The following CACNA2D1 variants were observed in gnomAD, a reference collection of about 807,000 sequenced individuals.
CACNA2D1 encodes voltage-dependent calcium channel subunit alpha-2/delta-1.
In CACNA2D1, 53 loss-of-function variants were observed where a neutral mutation model predicts 171.5. The ratio of observed to expected loss-of-function variants is 0.31; its 90% CI spans 0.25 to 0.39. The LOEUF (loss-of-function observed/expected upper bound fraction) is 0.39, where lower values mean the gene tolerates loss of function less well. Ranked by LOEUF, CACNA2D1 falls within the 10% of genes least tolerant of loss-of-function variation. The probability of loss-of-function intolerance (pLI) is 1.00; values close to 1 mark genes in which losing one functional copy is unlikely to be tolerated. For synonymous variants in CACNA2D1, 442 were observed against 443.1 expected (o/e 1.00, Z 0.03); for missense variants, 903 against 1,299.8 (o/e 0.69, Z 4.69).
At chr7:82,153,901 A>C (rs1317777197) in intron 4 of CACNA2D1, among the ~76,000 whole-genome samples, 2 of 152,168 alleles carry the variant, frequency 1.3e-5, no homozygotes, top group African/African-American at 4.8e-5. Flanking sequence ...CAATGATAAT[A>C]GTTTTAAAGA....
At chr7:82,208,168 T>C (rs2129219344) in intron 3 of CACNA2D1, among the ~76,000 whole-genome samples, 1 of 152,282 alleles carries the variant, frequency 6.6e-6, no homozygotes, top group Non-Finnish European at 1.5e-5. Context: ...ATGACTCAAA[T>C]TTAGATTTGA....
At chr7:82,295,557 T>C (rs936795722) in intron 3 of CACNA2D1, among the ~76,000 whole-genome samples, 1 of 151,896 alleles carries the variant, frequency 6.6e-6, no homozygotes, top group Non-Finnish European at 1.5e-5. Flanking sequence ...GGTTTCACCA[T>C]GTTGCCTAGG....
At chr7:82,004,775 G>C (rs1381505581) in intron 18 of CACNA2D1, among the ~76,000 whole-genome samples, 1 of 152,154 alleles carries the variant, frequency 6.6e-6, no homozygotes, top group Non-Finnish European at 1.5e-5. Flanking sequence ...AGTTCATGAA[G>C]AGTGAAATGA....
chr7:82,402,255 G>T (rs935470092), intron 1 of CACNA2D1, among the ~76,000 whole-genome samples: 12 of 152,196 alleles, frequency 7.9e-5, no homozygotes, highest in Admixed American at 7.9e-4. Flanking sequence ...TTTATCAGCA[G>T]ATAGTAGCAA....
chr7:82,354,096 G>A (rs1820156780), intron 1 of CACNA2D1, among the ~76,000 whole-genome samples: 1 of 152,116 alleles, frequency 6.6e-6, no homozygotes, highest in South Asian at 2.1e-4. Flanking sequence ...ATCACACAGA[G>A]AGTCCAAGAA....
chr7:81,977,741 G>T (rs143796808), intron 24 of CACNA2D1, among the ~76,000 whole-genome samples: 13,684 of 152,160 alleles, frequency 0.09, 640 homozygotes, highest in Middle Eastern at 0.2. Context: ...TTGACAAATG[G>T]TATCTAATTA....
rs1179654232 is a variant in CACNA2D1, at chr7:82,206,400, C to T, written c.295-35791G>A. Among the ~76,000 whole-genome samples, 3 of 152,036 alleles carry T rather than the reference C, an allele frequency of 2.0e-5. No individual in the cohort carries two copies. The East Asian group carries it at 5.8e-4, about 29-fold the overall frequency. On this transcript the variant is annotated intron_variant, in intron 3 of 38. Transcript: ENST00000356860. Reference sequence around the variant, plus strand: ...ACCATGAAATCAAACATTTATTATACACTAATTGTAATAACTCTTAACAAG... The same window carrying T: ...ACCATGAAATCAAACATTTATTATATACTAATTGTAATAACTCTTAACAAG...
chr7:82,341,888 A>T (rs879524501), intron 2 of CACNA2D1, among the ~76,000 whole-genome samples: 36 of 70,326 alleles, frequency 5.1e-4, no homozygotes, highest in Non-Finnish European at 8.1e-4. Flanking sequence ...TCTACTAAAA[A>T]TACAAAAAAA....
intron 6 of CACNA2D1, among the ~76,000 whole-genome samples, chr7:82,096,794 T>C (rs958591873): frequency 6.6e-6 from 1 of 151,902 alleles, no homozygotes; most frequent in African/African-American, 2.4e-5. Flanking sequence ...GAAAAAGGTC[T>C]AACTCCAGCA....
chr7:82,162,083 T>C (rs1008392166), intron 4 of CACNA2D1, among the ~76,000 whole-genome samples: 1 of 152,080 alleles, frequency 6.6e-6, no homozygotes, highest in East Asian at 1.9e-4. Flanking sequence ...TGAAGATAAA[T>C]AGAACATGCT....
intron 1 of CACNA2D1, among the ~76,000 whole-genome samples, chr7:82,436,391 T>A (rs1188645605): frequency 6.6e-6 from 1 of 152,184 alleles, no homozygotes; most frequent in Non-Finnish European, 1.5e-5. Context: ...AAGCTCTTAA[T>A]TAAATGTTAT....
In CACNA2D1 at chr7:82,060,349, A is replaced by G. The variant is rs542240781; in HGVS notation, c.879+79T>C. On this transcript the variant is annotated intron_variant, in intron 10 of 38. Coordinates refer to ENST00000356860, the MANE Select transcript of CACNA2D1 (RefSeq NM_000722.4). ...AAAATGTCTCAGCCTCTATAAGATA[A>G]AAGTATAAAGTACCTAAAGTCAGGA... 3 of 924,554 alleles carry G rather than the reference A, an allele frequency of 3.2e-6. No homozygotes were observed. The East Asian group carries it at 7.6e-5, about 23-fold the overall frequency. The allele number at this position is 924,554 out of a possible 1,614,324, so 57.3% of individuals were successfully genotyped here.
At chr7:82,294,182 T>C (rs1179583754) in intron 3 of CACNA2D1, among the ~76,000 whole-genome samples, 1 of 152,178 alleles carries the variant, frequency 6.6e-6, no homozygotes, top group African/African-American at 2.4e-5. Flanking sequence ...ATTGTTCGGC[T>C]ATATTTTAAT....
intron 3 of CACNA2D1, among the ~76,000 whole-genome samples, chr7:82,319,602 GA>G (rs1554509941): frequency 6.6e-6 from 1 of 152,090 alleles, no homozygotes; most frequent in Non-Finnish European, 1.5e-5. Context: ...TGTTGTGCTA[GA>G]AAAAAAGTGG....
intron 20 of CACNA2D1, 55 bp from the exon 21 acceptor site, chr7:81,991,301 C>A: frequency 1.1e-6 from 1 of 886,484 alleles, no homozygotes; most frequent in Non-Finnish European, 1.9e-6. Flanking sequence ...TGAATATATA[C>A]GAAAAGTAAA....
At chr7:81,955,832 A>T (rs1211171251) in intron 38 of CACNA2D1, among the ~76,000 whole-genome samples, 2 of 144,214 alleles carry the variant, frequency 1.4e-5, no homozygotes, top group East Asian at 4.2e-4. Flanking sequence ...CCATGGTGAT[A>T]TATAATTATT....
At chr7:81,982,733 A>G (rs760556710) in intron 23 of CACNA2D1, 106 bp from the exon 24 acceptor site, 1 of 785,220 alleles carries the variant, frequency 1.3e-6, no homozygotes, top group Non-Finnish European at 2.3e-6. Flanking sequence ...AGAAAAATTG[A>G]AAATAGAGTA....
intron 3 of CACNA2D1, among the ~76,000 whole-genome samples, chr7:82,205,914 G>A (rs1799960367): frequency 6.6e-6 from 1 of 151,878 alleles, no homozygotes; most frequent in Non-Finnish European, 1.5e-5. Flanking sequence ...TTTTCATTTT[G>A]ATAGATATAT....
intron 6 of CACNA2D1, among the ~76,000 whole-genome samples, chr7:82,088,931 A>G (rs1053842982): frequency 3.3e-5 from 5 of 151,718 alleles, no homozygotes; most frequent in African/African-American, 4.8e-5. Flanking sequence ...CATGGAACCT[A>G]GATCACGCAC....
Sources: gnomAD v4.1 joint callset for allele counts (sites outside exome capture counted in the v4.1 genomes callset) on GRCh38, gnomAD v4.1.1 for gene constraint, MANE v1.5 for transcripts, NCBI Gene and HGNC (gene_info 2026-07-23, HGNC 2026-07-21) for gene names.